Variants in LRIG1 observed in about 807,000 individuals in gnomAD.
The protein encoded by LRIG1 is leucine-rich repeats and immunoglobulin-like domains protein 1.
LRIG1 carries 48 observed loss-of-function variants against 99.2 expected under a neutral mutation model. The ratio of observed to expected loss-of-function variants is 0.48; its 90% CI spans 0.38 to 0.62. The LOEUF (loss-of-function observed/expected upper bound fraction) is 0.62. Ranked by LOEUF, LRIG1 falls within the 20% of genes least tolerant of loss-of-function variation. LRIG1 has a pLI of 0.00. For missense variants in LRIG1, 1,646 were observed against 1,434.4 expected (o/e 1.15, Z -2.38); for synonymous variants, 772 against 596.1 (o/e 1.29, Z -4.30).
intron 1 of LRIG1, among the ~76,000 whole-genome samples, chr3:66,489,576 A>T (rs1249062213): frequency 6.6e-6 from 1 of 150,434 alleles, no homozygotes; most frequent in Non-Finnish European, 1.5e-5. Context: ...AGAGAGAGAG[A>T]GAATGTTTAA....
intron 3 of LRIG1, among the ~76,000 whole-genome samples, chr3:66,421,533 T>C (rs1033060878): frequency 6.6e-6 from 1 of 152,192 alleles, no homozygotes; most frequent in South Asian, 2.1e-4. Flanking sequence ...TGGGTTCCCA[T>C]GGTCTTGGGA....
chr3:66,482,154 T>C (rs1297073137), intron 1 of LRIG1, among the ~76,000 whole-genome samples: 1 of 152,232 alleles, frequency 6.6e-6, no homozygotes, highest in Non-Finnish European at 1.5e-5. Flanking sequence ...ACAGAGCCAC[T>C]GCAACAGTCC....
At chr3:66,435,867 C>T (rs76570154) in intron 3 of LRIG1, among the ~76,000 whole-genome samples, 1 of 151,934 alleles carries the variant, frequency 6.6e-6, no homozygotes, top group Non-Finnish European at 1.5e-5. Context: ...ATGGCATTCA[C>T]GGTGGAATCA....
Position 66,500,614 on chromosome 3 carries a change from C to G in LRIG1, c.-207G>C, listed in dbSNP as rs1421576119. The G allele has an allele frequency of 8.8e-6, 3 of 339,072 alleles. No individual in the cohort carries two copies. Among genetic ancestry groups the G allele is most frequent in the African/African-American group, 2.2e-5 (1 of 46,310 alleles). The allele number at this position is 339,072 out of a possible 1,614,324, so 21.0% of individuals were successfully genotyped here. On this transcript the variant is annotated 5_prime_UTR_variant, in exon 1 of 19. Transcript: ENST00000273261. ...CCGCTCCGGAGCACCCGGCGGGGGC[C>G]GCAAACCCCGCGCCCATCCGGGCCG...
At chr3:66,383,884 C>G (rs967749150) in intron 14 of LRIG1, 107 bp downstream of exon 14, 5 of 1,445,136 alleles carry the variant, frequency 3.5e-6, no homozygotes, top group Admixed American at 2.6e-5. Context: ...CAAACAGGGT[C>G]GAAAGGCCCA....
chr3:66,402,382 C>G (rs1451604628), intron 9 of LRIG1, among the ~76,000 whole-genome samples: 2 of 151,046 alleles, frequency 1.3e-5, no homozygotes, highest in Non-Finnish European at 2.9e-5. Flanking sequence ...ACATTCCCAC[C>G]CTGCTGGGAA....
At chr3:66,388,970 A>C (rs1701510324) in intron 12 of LRIG1, among the ~76,000 whole-genome samples, 1 of 152,164 alleles carries the variant, frequency 6.6e-6, no homozygotes, top group African/African-American at 2.4e-5. Flanking sequence ...AACACACAGG[A>C]TACGTGTATT....
chr3:66,388,751 A>T (rs1701499368), intron 12 of LRIG1, among the ~76,000 whole-genome samples: 1 of 152,220 alleles, frequency 6.6e-6, no homozygotes, highest in Non-Finnish European at 1.5e-5. Flanking sequence ...TGTATTAAAA[A>T]ACCTATCCTT....
Position 66,394,035 on chromosome 3 carries a change from C to G in LRIG1, c.1468+5G>C. 8 of 1,613,882 alleles carry G rather than the reference C, an allele frequency of 5.0e-6. No homozygotes were observed. Among genetic ancestry groups the G allele is most frequent in the Non-Finnish European group, 6.8e-6 (8 of 1,179,924 alleles). The stretch of plus-strand genomic sequence containing the variant: ...GGAGAGAAAAAGTTACAAAGACAGT[C>G]TTACCGCACACGAAACTCTCTGGTG... On this transcript the variant is annotated splice_donor_5th_base_variant and intron_variant, in intron 12 of 18. Coordinates refer to ENST00000273261, the MANE Select transcript of LRIG1 (RefSeq NM_015541.3).
intron 1 of LRIG1, among the ~76,000 whole-genome samples, chr3:66,494,085 G>C (rs1701174896): frequency 6.6e-6 from 1 of 152,126 alleles, no homozygotes; most frequent in Non-Finnish European, 1.5e-5. Flanking sequence ...ATAAATTGGA[G>C]CTACTGAGGC....
chr3:66,396,828 C>T (rs1480666345), intron 11 of LRIG1, among the ~76,000 whole-genome samples: 2 of 152,380 alleles, frequency 1.3e-5, no homozygotes, highest in South Asian at 4.1e-4. Context: ...CTGTGCCCCA[C>T]CGCTTGTCTT....
At chr3:66,456,617 G>A (rs1390943702) in intron 2 of LRIG1, among the ~76,000 whole-genome samples, 2 of 149,830 alleles carry the variant, frequency 1.3e-5, no homozygotes, top group East Asian at 2.0e-4. Context: ...CAGCCAAAAG[G>A]CAGTACCCCA....
In LRIG1 at chr3:66,500,334, A is replaced by C. The variant is rs759414041; in HGVS notation, c.74T>G (p.Leu25Trp). Residue 25 changes from leucine to tryptophan, a missense_variant, in exon 1 of 19, where the codon TTG (leucine) becomes TGG (tryptophan). By Grantham distance (61) the Leu-to-Trp change is moderately conservative. Coordinates refer to ENST00000273261, the MANE Select transcript of LRIG1 (RefSeq NM_015541.3). ...SPCLLLLWLL[L>W]LRLEPVTAAA... Reference sequence around the variant, plus strand: ...GGCGGTCACCGGCTCCAGCCGAAGCAAAAGCAGCCAGAGAAGGAGAAGGCA... The same window carrying C: ...GGCGGTCACCGGCTCCAGCCGAAGCCAAAGCAGCCAGAGAAGGAGAAGGCA... The C allele has an allele frequency of 2.7e-6, 4 of 1,492,940 alleles. No individual in the cohort carries two copies. The highest frequency in any genetic ancestry group is 2.3e-5 in the Admixed American group (1 of 42,684). The allele number at this position is 1,492,940 out of a possible 1,614,324, so 92.5% of individuals were successfully genotyped here.
intron 3 of LRIG1, among the ~76,000 whole-genome samples, chr3:66,446,796 T>C (rs1703743959): frequency 6.6e-6 from 1 of 152,076 alleles, no homozygotes; most frequent in Non-Finnish European, 1.5e-5. Context: ...ATTAAGTTAT[T>C]TATAAATGAA....
intron 1 of LRIG1, among the ~76,000 whole-genome samples, chr3:66,475,878 G>A (rs1052841412): frequency 1.3e-5 from 2 of 152,164 alleles, no homozygotes; most frequent in African/African-American, 4.8e-5. Flanking sequence ...GGGTATTCAC[G>A]ATGGTATAAA....
intron 1 of LRIG1, among the ~76,000 whole-genome samples, chr3:66,466,939 A>G (rs753795433): frequency 4.6e-5 from 7 of 152,250 alleles, no homozygotes; most frequent in African/African-American, 1.7e-4. Flanking sequence ...AGCCATTGTC[A>G]TAACACAAAT....
Position 66,380,331 on chromosome 3 carries a change from A to ACT in LRIG1, c.3212_3213dup (p.Thr1073ProfsTer4). On this transcript the variant is annotated frameshift_variant, in exon 19 of 19. Transcript: ENST00000273261. LOFTEE classifies it high-confidence loss of function. ...GGGAGCTGTCCTGTCAGTGGCGTGG[A>ACT]CTCGGGACTGGCGTCACATGCTTTG... 1 of 1,614,044 alleles carries ACT rather than the reference A, an allele frequency of 6.2e-7. No homozygotes were observed. Among genetic ancestry groups the ACT allele is most frequent in the Non-Finnish European group, 8.5e-7 (1 of 1,179,980 alleles).
intron 12 of LRIG1, among the ~76,000 whole-genome samples, chr3:66,392,676 T>G (rs1189954106): frequency 1.3e-5 from 2 of 151,928 alleles, no homozygotes; most frequent in Non-Finnish European, 1.5e-5. Flanking sequence ...CAATCCAGAA[T>G]ATGCCAGGGC....
chr3:66,406,099 G>T, intron 8 of LRIG1: 1 of 985,622 alleles, frequency 1.0e-6, no homozygotes, highest in Non-Finnish European at 1.2e-6. Flanking sequence ...AGGAACTCTT[G>T]TCTCCTGTGA....
Sources: allele counts gnomAD v4.1 joint callset (sites outside exome capture counted in the v4.1 genomes callset), GRCh38; gene constraint gnomAD v4.1.1; transcripts MANE v1.5; gene names NCBI Gene and HGNC (gene_info 2026-07-23, HGNC 2026-07-21).